Variants in GPR39 observed in about 807,000 individuals in gnomAD.
GPR39 encodes the protein zinc sensing receptor.
In GPR39, 23 loss-of-function variants were observed where a neutral mutation model predicts 18.4. That is an observed-to-expected ratio of 1.25 (90% CI 0.90 to 1.77). The LOEUF is 1.77. Ranked by LOEUF, GPR39 falls within the 40% of genes most tolerant of loss-of-function variation. The pLI is 0.00. For synonymous variants in GPR39, 280 were observed against 257.9 expected (o/e 1.09, Z -0.82); for missense variants, 647 against 602.4 (o/e 1.07, Z -0.78).
intron 1 of GPR39, among the ~76,000 whole-genome samples, chr2:132,568,303 T>G (rs1186999964): frequency 6.6e-6 from 1 of 152,066 alleles, no homozygotes; most frequent in Non-Finnish European, 1.5e-5. Context: ...TTGGAGTTGT[T>G]GGGCGGGGGT....
chr2:132,596,004 C>A (rs796990989), intron 1 of GPR39, among the ~76,000 whole-genome samples: 19 of 152,290 alleles, frequency 1.2e-4, no homozygotes, highest in African/African-American at 4.1e-4. Flanking sequence ...AGCTCTCCCC[C>A]ACCCTTATGG....
intron 1 of GPR39, among the ~76,000 whole-genome samples, chr2:132,425,563 G>A (rs116208308): frequency 0.025 from 3,769 of 152,222 alleles, 151 homozygotes; most frequent in African/African-American, 0.085. Flanking sequence ...TAAGGTATAC[G>A]TATCTTCTCC....
chr2:132,492,204 T>C (rs188014147), intron 1 of GPR39, among the ~76,000 whole-genome samples: 8 of 143,718 alleles, frequency 5.6e-5, no homozygotes, highest in South Asian at 2.2e-4. Context: ...ACCATATATA[T>C]ACCATATATA....
chr2:132,547,974 G>T (rs1238855010), intron 1 of GPR39, among the ~76,000 whole-genome samples: 1 of 152,092 alleles, frequency 6.6e-6, no homozygotes, highest in Non-Finnish European at 1.5e-5. Flanking sequence ...GGAAATTTCT[G>T]CAGCCCAGCA....
intron 1 of GPR39, among the ~76,000 whole-genome samples, chr2:132,585,801 G>A (rs1338618285): frequency 1.3e-5 from 2 of 152,182 alleles, no homozygotes; most frequent in Middle Eastern, 3.4e-3. Context: ...ATTTCGGGGC[G>A]TGATCACGCA....
In GPR39 at chr2:132,545,180, G is replaced by A. The variant is rs537827201; in HGVS notation, c.857-99921G>A. Among the ~76,000 whole-genome samples, 28 of 152,330 alleles carry A rather than the reference G, an allele frequency of 1.8e-4. No homozygotes were observed. In the South Asian group the frequency reaches 5.2e-3, roughly 28 times the overall value. ...TCCTGCCACTATCACCCTCCTCTGT[G>A]CCATGGCAGGGCCTGGTCTCCAGGA... On this transcript the variant is annotated intron_variant, in intron 1 of 1. Coordinates refer to ENST00000329321, the MANE Select transcript of GPR39 (RefSeq NM_001508.3).
chr2:132,591,684 T>C (rs921719204), intron 1 of GPR39, among the ~76,000 whole-genome samples: 1 of 152,230 alleles, frequency 6.6e-6, no homozygotes, highest in African/African-American at 2.4e-5. Context: ...TATGGTGGAA[T>C]TGTAAAACGA....
At chr2:132,626,575 T>G (rs949983402) in intron 1 of GPR39, among the ~76,000 whole-genome samples, 11 of 152,160 alleles carry the variant, frequency 7.2e-5, no homozygotes, top group African/African-American at 4.8e-5. Context: ...ATGATTGGGT[T>G]TCTCTAGTCA....
chr2:132,425,932 A>T (rs1281365130), intron 1 of GPR39, among the ~76,000 whole-genome samples: 1 of 152,218 alleles, frequency 6.6e-6, no homozygotes, highest in African/African-American at 2.4e-5. Context: ...TTGAGAACCC[A>T]GGCATACCTT....
chr2:132,614,272 T>TCTCGGCTCACTGCAAC (rs1681292473), intron 1 of GPR39, among the ~76,000 whole-genome samples: 2 of 152,232 alleles, frequency 1.3e-5, no homozygotes, highest in South Asian at 4.1e-4. Flanking sequence ...AGTGGCGCAA[T>TCTCGGCTCACTGCAAC]CTCGGCTCAC....
At chr2:132,522,101 G>T (rs539489999) in intron 1 of GPR39, among the ~76,000 whole-genome samples, 1 of 152,118 alleles carries the variant, frequency 6.6e-6, no homozygotes, top group Non-Finnish European at 1.5e-5. Flanking sequence ...CTGTGGCCCC[G>T]CCGGCTGGGG....
chr2:132,619,869 A>T (rs1485546619), intron 1 of GPR39, among the ~76,000 whole-genome samples: 8 of 147,772 alleles, frequency 5.4e-5, no homozygotes, highest in East Asian at 2.0e-4. Flanking sequence ...ACACACACAC[A>T]CTCTCCACAC....
intron 1 of GPR39, among the ~76,000 whole-genome samples, chr2:132,625,195 C>T (rs113879399): frequency 0.013 from 1,944 of 151,872 alleles, 47 homozygotes; most frequent in African/African-American, 0.044. Flanking sequence ...TACATGGCGA[C>T]GTCTTGCTGT....
chr2:132,524,369 A>G (rs371158090), intron 1 of GPR39, among the ~76,000 whole-genome samples: 10 of 152,274 alleles, frequency 6.6e-5, no homozygotes, highest in African/African-American at 2.4e-4. Context: ...TAAGCTCAGG[A>G]CACCTGTGCC....
At chr2:132,498,450 T>G (rs1016625359) in intron 1 of GPR39, among the ~76,000 whole-genome samples, 11 of 152,234 alleles carry the variant, frequency 7.2e-5, no homozygotes, top group African/African-American at 2.7e-4. Context: ...TGTATTTATA[T>G]ACCACATTTT....
chr2:132,556,244 C>A (rs1024281345), intron 1 of GPR39, among the ~76,000 whole-genome samples: 82 of 152,086 alleles, frequency 5.4e-4, no homozygotes, highest in African/African-American at 1.9e-3. Flanking sequence ...TGTAAATGTA[C>A]GAATCAGAGA....
chr2:132,439,933 A>C (rs1007517127), intron 1 of GPR39, among the ~76,000 whole-genome samples: 9 of 152,156 alleles, frequency 5.9e-5, no homozygotes, highest in African/African-American at 2.2e-4. Context: ...GGGCTGCTCC[A>C]GGCTGCCTCC....
rs1306614276 is a variant in GPR39, at chr2:132,552,794, A to ATG, written c.857-92306_857-92305insGT. Among the ~76,000 whole-genome samples, 381 of 108,186 alleles carry ATG rather than the reference A, an allele frequency of 3.5e-3. 3 individuals are homozygous for ATG. The highest frequency in any genetic ancestry group is 0.015 in the African/African-American group (374 of 25,530). 71.0% of individuals were successfully genotyped at this position (108,186 alleles called of 152,430 possible). ...ACCACAGTAGCCTACCAATGTGTAT[A>ATG]TATGTGTGTGTGTGTGTGTGTGTGT... is the stretch of plus-strand genomic sequence containing the variant. On this transcript the variant is annotated intron_variant, in intron 1 of 1. Transcript: ENST00000329321.
chr2:132,452,105 C>T (rs1036074228), intron 1 of GPR39, among the ~76,000 whole-genome samples: 3 of 152,138 alleles, frequency 2.0e-5, no homozygotes, highest in Non-Finnish European at 2.9e-5. Flanking sequence ...AGGTATCACT[C>T]CACTATCTTC....
Sources: allele counts gnomAD v4.1 joint callset (sites outside exome capture counted in the v4.1 genomes callset), GRCh38; gene constraint gnomAD v4.1.1; transcripts MANE v1.5; gene names NCBI Gene and HGNC (gene_info 2026-07-23, HGNC 2026-07-21).